The following TRDN variants were observed in gnomAD, a reference collection of about 807,000 sequenced individuals.
The protein encoded by TRDN is triadin.
Under a neutral mutation model 149.7 loss-of-function variants are expected in TRDN, and 161 were observed. The ratio of observed to expected loss-of-function variants is 1.08; its 90% CI spans 0.95 to 1.23. TRDN has a LOEUF of 1.23. Ranked by LOEUF, TRDN falls within the 50% of genes most tolerant of loss-of-function variation. The pLI is 0.00. For missense variants in TRDN, 896 were observed against 823.5 expected, an observed-to-expected ratio of 1.09 and a Z score of -1.08; for synonymous variants, 294 against 250.5, an observed-to-expected ratio of 1.17 and a Z score of -1.64.
At chr6:123,303,468 C>T (rs1484410072) in intron 24 of TRDN, among the ~76,000 whole-genome samples, 1 of 152,076 alleles carries the variant, frequency 6.6e-6, no homozygotes, top group Admixed American at 6.6e-5. Context: ...ATGAATACCA[C>T]ATGATACATT....
rs1375568812 is a variant in TRDN, at chr6:123,420,082, AT to A, written c.1051+17980del. On this transcript the variant is annotated intron_variant, in intron 12 of 40. Transcript: ENST00000334268. ...GGGATCCTGAAGTTTTAAGGAGTTA[AT>A]GCAAGCAAAGTGCTCGTAATTTAAT... 2.6e-5 allele frequency among the ~76,000 whole-genome samples: 4 copies of A among 152,328 alleles called. No individual in the cohort carries two copies. The East Asian group carries it at 7.7e-4, about 29-fold the overall frequency.
At chr6:123,232,299 TA>T in intron 38 of TRDN, among the ~76,000 whole-genome samples, 1 of 151,922 alleles carries the variant, frequency 6.6e-6, no homozygotes. Context: ...TTAGAGAGGT[TA>T]ACAATAGGGG....
chr6:123,293,313 T>A (rs1778077574), intron 24 of TRDN, among the ~76,000 whole-genome samples: 1 of 152,150 alleles, frequency 6.6e-6, no homozygotes, highest in Admixed American at 6.5e-5. Context: ...CTGCCACTAT[T>A]ACTTGGACCT....
chr6:123,360,569 T>C (rs754660246), intron 20 of TRDN, among the ~76,000 whole-genome samples: 32 of 152,062 alleles, frequency 2.1e-4, no homozygotes, highest in Non-Finnish European at 4.4e-4. Flanking sequence ...GTCATCAGCA[T>C]TGGCTGGAGC....
At position 123,232,208 on chromosome 6, in the gene TRDN, GAA is replaced by G. The variant is rs10715254; in HGVS notation, c.1976-8079_1976-8078del. ...AAGCCCAGTACTGAGCAAATAGACTGAAAAAAAAAAATCCTATATTATGAAAG... is the reference window on the plus strand; with the variant it reads ...AAGCCCAGTACTGAGCAAATAGACTGAAAAAAAAATCCTATATTATGAAAG... On this transcript the variant is annotated intron_variant, in intron 38 of 40. Transcript: ENST00000334268. Among the ~76,000 whole-genome samples, 253 of 148,802 alleles carry G rather than the reference GAA, an allele frequency of 1.7e-3. 1 individual carries two copies. Among genetic ancestry groups the G allele is most frequent in the South Asian group, 7.0e-3 (33 of 4,690 alleles).
Position 123,252,445 on chromosome 6 carries a change from G to T in TRDN, c.1952-10C>A, listed in dbSNP as rs375983814. The T allele has an allele frequency of 4.7e-6, 7 of 1,487,810 alleles. No homozygotes were observed. Among genetic ancestry groups the T allele is most frequent in the Admixed American group, 1.9e-5 (1 of 53,674 alleles). 92.2% of individuals were successfully genotyped at this position (1,487,810 alleles called of 1,614,324 possible). On this transcript the variant is annotated splice_polypyrimidine_tract_variant and intron_variant, in intron 37 of 40. Transcript: ENST00000334268. The stretch of plus-strand genomic sequence containing the variant: ...CTTGCAGGTTTTTCTGCTAAAAAGA[G>T]AAAATAAATAAGTTTTGTTTAACTG...
intron 12 of TRDN, among the ~76,000 whole-genome samples, chr6:123,432,714 A>G (rs375004901): frequency 3.8e-4 from 57 of 151,942 alleles, no homozygotes; most frequent in African/African-American, 1.2e-3. Flanking sequence ...CTTTCACTCC[A>G]CTGACTGCCC....
chr6:123,311,458 CA>C (rs963795340), intron 24 of TRDN, among the ~76,000 whole-genome samples: 1 of 151,926 alleles, frequency 6.6e-6, no homozygotes, highest in Non-Finnish European at 1.5e-5. Context: ...TTTGTCCCTG[CA>C]GTGAGGAAGT....
intron 9 of TRDN, among the ~76,000 whole-genome samples, chr6:123,492,907 G>A (rs1177588574): frequency 2.6e-5 from 4 of 152,014 alleles, no homozygotes; most frequent in Non-Finnish European, 4.4e-5. Context: ...ACCATAAGAC[G>A]AATCAATCTC....
At chr6:123,260,182 G>GA (rs965709866) in intron 34 of TRDN, among the ~76,000 whole-genome samples, 9 of 151,062 alleles carry the variant, frequency 6.0e-5, no homozygotes, top group East Asian at 1.9e-4. Flanking sequence ...GAAACAATAG[G>GA]AAAAAAAACT....
chr6:123,501,335 G>A (rs951541892), intron 8 of TRDN, among the ~76,000 whole-genome samples: 1 of 150,756 alleles, frequency 6.6e-6, no homozygotes, highest in Non-Finnish European at 1.5e-5. Flanking sequence ...TGAAAAGAAT[G>A]CCTCAAACAT....
intron 4 of TRDN, among the ~76,000 whole-genome samples, chr6:123,534,828 C>T (rs1780441508): frequency 6.6e-6 from 1 of 152,108 alleles, no homozygotes; most frequent in Admixed American, 6.6e-5. Context: ...TAAAATTTTA[C>T]TTAAACATCA....
At chr6:123,629,976 G>A (rs980073470) in intron 1 of TRDN, among the ~76,000 whole-genome samples, 1 of 152,000 alleles carries the variant, frequency 6.6e-6, no homozygotes, top group Non-Finnish European at 1.5e-5. Context: ...AATCAAATAA[G>A]TATTCTCTGT....
At chr6:123,441,924 G>T (rs975209796) in intron 10 of TRDN, 9 of 152,166 alleles carry the variant, frequency 5.9e-5, no homozygotes, top group Non-Finnish European at 7.3e-5. Flanking sequence ...CCTGGTTCCA[G>T]TTAAGTAAAT....
chr6:123,484,882 A>G (rs1777910461), intron 9 of TRDN, among the ~76,000 whole-genome samples: 1 of 152,190 alleles, frequency 6.6e-6, no homozygotes, highest in Admixed American at 6.5e-5. Context: ...AGTCTTATTC[A>G]CTAGCCTTCT....
chr6:123,349,570 ATAAT>A (rs1780378468), intron 21 of TRDN: 3 of 884,196 alleles, frequency 3.4e-6, no homozygotes, highest in South Asian at 5.2e-5. Flanking sequence ...TATTAAGCAA[ATAAT>A]TAAATACAAT....
intron 38 of TRDN, among the ~76,000 whole-genome samples, chr6:123,251,324 A>C (rs1185530703): frequency 6.6e-6 from 1 of 152,100 alleles, no homozygotes; most frequent in East Asian, 1.9e-4. Flanking sequence ...GTAGCCACTG[A>C]CTACATGGGG....
At chr6:123,584,993 G>A (rs1562406680) in intron 1 of TRDN, among the ~76,000 whole-genome samples, 1 of 152,008 alleles carries the variant, frequency 6.6e-6, no homozygotes, top group African/African-American at 2.4e-5. Flanking sequence ...GCAGGCAAGT[G>A]ATAACAGGCT....
chr6:123,376,699 C>T (rs879713904), intron 18 of TRDN, among the ~76,000 whole-genome samples: 2 of 152,070 alleles, frequency 1.3e-5, no homozygotes, highest in South Asian at 2.1e-4. Context: ...ATTTTATAAT[C>T]TTTAAAAATG....
Sources: allele counts gnomAD v4.1 joint callset (sites outside exome capture counted in the v4.1 genomes callset), GRCh38; gene constraint gnomAD v4.1.1; transcripts MANE v1.5; gene names NCBI Gene and HGNC (gene_info 2026-07-23, HGNC 2026-07-21).